RCOR1: variants seen among roughly 807,000 people sequenced by gnomAD.
The protein encoded by RCOR1 is REST corepressor.
In RCOR1, 12 loss-of-function variants were observed where a neutral mutation model predicts 64.0. That is an observed-to-expected ratio of 0.19 (90% CI 0.12 to 0.30). RCOR1 has a LOEUF of 0.30. RCOR1 is among the 10% of genes least tolerant of loss of function. RCOR1 has a pLI of 1.00. For missense variants in RCOR1, 502 were observed against 621.2 expected (o/e 0.81, Z 2.04); for synonymous variants, 279 against 227.2 (o/e 1.23, Z -2.05).
intron 3 of RCOR1, among the ~76,000 whole-genome samples, chr14:102,691,657 C>G (rs1042743430): frequency 3.3e-5 from 5 of 152,098 alleles, no homozygotes; most frequent in African/African-American, 9.7e-5. Flanking sequence ...TGCTCTAGAA[C>G]TAGCTAAAAT....
At chr14:102,628,999 T>C (rs1376161500) in intron 2 of RCOR1, among the ~76,000 whole-genome samples, 1 of 151,390 alleles carries the variant, frequency 6.6e-6, no homozygotes, top group East Asian at 1.9e-4. Flanking sequence ...CAAGCGATCC[T>C]CCCACCTCAG....
At chr14:102,612,010 G>A (rs1893643664) in intron 2 of RCOR1, among the ~76,000 whole-genome samples, 1 of 152,084 alleles carries the variant, frequency 6.6e-6, no homozygotes, top group Non-Finnish European at 1.5e-5. Context: ...TCACTGTGTT[G>A]CCCAGGCTGG....
chr14:102,629,039 G>C, intron 2 of RCOR1, among the ~76,000 whole-genome samples: 1 of 152,152 alleles, frequency 6.6e-6, no homozygotes, highest in Non-Finnish European at 1.5e-5. Flanking sequence ...GACTACAGGC[G>C]TGCGCCACCA....
rs939969350 is a variant in RCOR1 at position 102,599,829 on chromosome 14, G to A, written c.361+6504G>A. Among the ~76,000 whole-genome samples, 35 of 147,006 alleles carry A rather than the reference G, an allele frequency of 2.4e-4. 1 individual carries two copies. The highest frequency in any genetic ancestry group is 1.0e-4 in the Non-Finnish European group (7 of 67,126). ...TTTTGTTTTTTTTTTTTGAAACAAG[G>A]TCTTGCTCTGTCACACAGGCTAGAG... On this transcript the variant is annotated intron_variant, in intron 2 of 11. Coordinates refer to ENST00000262241, the MANE Select transcript of RCOR1 (RefSeq NM_015156.4).
At chr14:102,673,516 T>TA (rs1895073128) in intron 2 of RCOR1, among the ~76,000 whole-genome samples, 1 of 151,826 alleles carries the variant, frequency 6.6e-6, no homozygotes, top group South Asian at 2.1e-4. Flanking sequence ...TTTGTATTTT[T>TA]AGTAGAGACG....
intron 2 of RCOR1, among the ~76,000 whole-genome samples, chr14:102,621,895 G>A (rs1318609799): frequency 1.3e-5 from 2 of 152,018 alleles, no homozygotes; most frequent in Non-Finnish European, 2.9e-5. Context: ...AAGGTGGGAT[G>A]GTCTTCAGAT....
chr14:102,697,783 C>T lies in RCOR1; in HGVS notation c.446-3495C>T, dbSNP rs140442956. On this transcript the variant is annotated intron_variant, in intron 3 of 11. Coordinates refer to ENST00000262241, the MANE Select transcript of RCOR1 (RefSeq NM_015156.4). ...TTGCCCAGGTTGGAATGCAGTGGCA[C>T]GATCTTGGCTCACTGCAACCTCTGC... Among the ~76,000 whole-genome samples, 527 of 151,388 alleles carry T rather than the reference C, an allele frequency of 3.5e-3. 3 individuals carry two copies. Among genetic ancestry groups the T allele is most frequent in the Admixed American group, 8.1e-3 (123 of 15,206 alleles).
chr14:102,722,190 T>C lies in RCOR1; in HGVS notation c.1193T>C (p.Ile398Thr). ...TEEQLLAVQA[I>T]RKYGRDFQAI... The stretch of plus-strand genomic sequence containing the variant: ...AAATGCTTTCTTACATCCTTAGCCA[T>C]CAGGAAATATGGCCGAGATTTTCAG... The change falls in exon 11 of 12, where the codon ATC becomes ACC. Residue 398 changes from isoleucine (I) to threonine (T), a missense_variant. Around this residue, in one of 2 missense-constraint regions of RCOR1, gnomAD observed 260 missense variants for 416.4 expected, o/e 0.62. Coordinates refer to ENST00000262241, the MANE Select transcript of RCOR1 (RefSeq NM_015156.4). 1 of 1,613,114 alleles carries C rather than the reference T, an allele frequency of 6.2e-7. No homozygotes were observed. Among genetic ancestry groups the C allele is most frequent in the East Asian group, 2.2e-5 (1 of 44,880 alleles).
chr14:102,600,886 TTAG>T (rs1893380839), intron 2 of RCOR1, among the ~76,000 whole-genome samples: 1 of 149,308 alleles, frequency 6.7e-6, no homozygotes, highest in East Asian at 2.1e-4. Context: ...TTTTGTATTC[TTAG>T]TAGAGATGGT....
chr14:102,688,346 GTGT>G (rs1344711081), intron 3 of RCOR1, among the ~76,000 whole-genome samples: 2 of 152,200 alleles, frequency 1.3e-5, no homozygotes, highest in Non-Finnish European at 2.9e-5. Context: ...ACTGTGACAA[GTGT>G]TGTCCTGGGG....
chr14:102,667,960 A>T (rs934984436), intron 2 of RCOR1, among the ~76,000 whole-genome samples: 1 of 152,206 alleles, frequency 6.6e-6, no homozygotes, highest in East Asian at 1.9e-4. Flanking sequence ...TTCTGTCTTG[A>T]GATAAAGATT....
rs146539661 is a variant in RCOR1 at position 102,634,039 on chromosome 14, G to A, written c.361+40714G>A. On this transcript the variant is annotated intron_variant, in intron 2 of 11. Coordinates refer to ENST00000262241, the MANE Select transcript of RCOR1 (RefSeq NM_015156.4). The stretch of plus-strand genomic sequence containing the variant: ...ATTGTGCCTCAAGGAGGTAGGGTGA[G>A]GCTTTCTGTCTTTCCTGAAACATGT... Among the ~76,000 whole-genome samples, 177 of 152,156 alleles carry A rather than the reference G, an allele frequency of 1.2e-3. 1 individual carries two copies. The highest frequency in any genetic ancestry group is 4.1e-3 in the African/African-American group (169 of 41,462).
intron 2 of RCOR1, chr14:102,658,056 C>T (rs1416375013): frequency 1.9e-6 from 1 of 515,288 alleles, no homozygotes; most frequent in African/African-American, 2.1e-5. Context: ...CTCACTGTAA[C>T]CTCTGCCTCC....
At chr14:102,598,858 A>C (rs957427689) in intron 2 of RCOR1, among the ~76,000 whole-genome samples, 1 of 152,004 alleles carries the variant, frequency 6.6e-6, no homozygotes, top group Non-Finnish European at 1.5e-5. Context: ...AAGTTTTACC[A>C]ACTTTTAAAG....
chr14:102,632,407 C>T (rs538434676), intron 2 of RCOR1, among the ~76,000 whole-genome samples: 5 of 150,654 alleles, frequency 3.3e-5, no homozygotes, highest in East Asian at 4.0e-4. Flanking sequence ...TTAGTAGAGA[C>T]GGGGTTTCAA....
chr14:102,672,889 C>G (rs2139950109), intron 2 of RCOR1, among the ~76,000 whole-genome samples: 1 of 152,300 alleles, frequency 6.6e-6, no homozygotes, highest in Non-Finnish European at 1.5e-5. Context: ...CTCAGAGTTT[C>G]AGAGTAGAAC....
intron 2 of RCOR1, among the ~76,000 whole-genome samples, chr14:102,654,500 C>T (rs994825410): frequency 6.6e-5 from 10 of 151,892 alleles, no homozygotes; most frequent in African/African-American, 2.4e-4. Context: ...TGTGGGTGGC[C>T]TAGGGAGTAG....
chr14:102,708,260 C>T (rs1411823108), intron 5 of RCOR1, among the ~76,000 whole-genome samples: 3 of 152,152 alleles, frequency 2.0e-5, no homozygotes, highest in South Asian at 2.1e-4. Context: ...TCACCACATC[C>T]GGCCTAATTT....
chr14:102,617,379 A>G (rs1444089144), intron 2 of RCOR1, among the ~76,000 whole-genome samples: 3 of 152,042 alleles, frequency 2.0e-5, no homozygotes, highest in African/African-American at 7.2e-5. Flanking sequence ...CACACATTCC[A>G]CTTGTGTACA....
Sources: gnomAD v4.1 joint callset for allele counts (sites outside exome capture counted in the v4.1 genomes callset) on GRCh38, gnomAD v4.1.1 for gene constraint, gnomAD v4.1.1 regional missense constraint, MANE v1.5 for transcripts, NCBI Gene and HGNC (gene_info 2026-07-23, HGNC 2026-07-21) for gene names.